Variants in BMS1 observed in about 807,000 individuals in gnomAD.
The protein encoded by BMS1 is BMS1 ribosome biogenesis factor.
In BMS1, 53 loss-of-function variants were observed where a neutral mutation model predicts 138.7. The observed-to-expected ratio is 0.38, with a 90% CI of 0.31 to 0.48. The LOEUF is 0.48. Among genes scored for constraint, BMS1 ranks in the 20% least tolerant of loss-of-function variants. The probability of loss-of-function intolerance (pLI) is 0.97; values close to 1 mark genes in which losing one functional copy is unlikely to be tolerated. For synonymous variants in BMS1, 504 were observed against 539.9 expected (o/e 0.93, Z 0.92); for missense variants, 1,360 against 1,565.5 (o/e 0.87, Z 2.22).
chr10:42,802,872 A>T (rs1376846558), intron 13 of BMS1, among the ~76,000 whole-genome samples: 1 of 152,130 alleles, frequency 6.6e-6, no homozygotes, highest in South Asian at 2.1e-4. Flanking sequence ...GTAGTTTTAT[A>T]CTTTGTTCAT....
In BMS1 at chr10:42,798,538, G is replaced by C. The variant is rs1360235185; in HGVS notation, c.2160G>C (p.Gln720His). ...TTGGAGGGTTGTTTCGTGTCAACCA[G>C]CCTGACAGAGAGTGTAAGCACAAGG... Reference protein sequence around the residue: ...EELGGLFRVNQPDRECKHKAD... With the variant: ...EELGGLFRVNHPDRECKHKAD... Residue 720 changes from glutamine (Q) to histidine (H), a missense_variant, in exon 12 of 23, where the codon CAG becomes CAC. By Grantham distance (24) the Gln-to-His change is conservative. Coordinates refer to ENST00000374518, the MANE Select transcript of BMS1 (RefSeq NM_014753.4). The C allele has an allele frequency of 4.3e-6, 7 of 1,614,132 alleles. 1 individual carries two copies. In the South Asian group the frequency reaches 6.6e-5, roughly 15 times the overall value.
intron 5 of BMS1, 81 bp from the exon 6 acceptor site, chr10:42,791,546 C>T: frequency 7.4e-7 from 1 of 1,359,078 alleles, no homozygotes; most frequent in Non-Finnish European, 9.9e-7. Context: ...AGGATTGCTT[C>T]TTGTTTAGAG....
chr10:42,792,659 T>C (rs1841545051), intron 7 of BMS1, 45 bp downstream of exon 7: 1 of 1,570,028 alleles, frequency 6.4e-7, no homozygotes, highest in East Asian at 2.2e-5. Context: ...CATAGGATTC[T>C]TGGGATGGCT....
chr10:42,814,685 C>A (rs897123111), intron 13 of BMS1, among the ~76,000 whole-genome samples: 1 of 152,144 alleles, frequency 6.6e-6, no homozygotes, highest in African/African-American at 2.4e-5. Context: ...TCAGAGCCTT[C>A]ATGGTGTTAT....
intron 13 of BMS1, among the ~76,000 whole-genome samples, chr10:42,807,648 A>ATTTG (rs546197211): frequency 6.6e-6 from 1 of 151,668 alleles, no homozygotes; most frequent in Non-Finnish European, 1.5e-5. Flanking sequence ...ATATTTTTTT[A>ATTTG]TTTGTTTGTT....
chr10:42,802,613 G>A (rs527883617), intron 13 of BMS1, among the ~76,000 whole-genome samples: 8 of 151,950 alleles, frequency 5.3e-5, no homozygotes, highest in African/African-American at 1.9e-4. Flanking sequence ...AAAAACCTTT[G>A]TTAGCTTCTT....
chr10:42,803,870 A>G (rs1350312340), intron 13 of BMS1, among the ~76,000 whole-genome samples: 1 of 152,192 alleles, frequency 6.6e-6, no homozygotes, highest in East Asian at 1.9e-4. Context: ...TCACCCCCAC[A>G]GTTTTCTTAC....
In BMS1 at chr10:42,814,160, G is replaced by A. The variant is rs11239783; in HGVS notation, c.2330-2439G>A. ...ATATCTTTCACTAAATGTGGGAAGC[G>A]TCAGGAATTAGTTATTTGCATGCTT... On this transcript the variant is annotated intron_variant, in intron 13 of 22. Transcript: ENST00000374518. Among the ~76,000 whole-genome samples the A allele has an allele frequency of 2.5e-4, 38 of 152,044 alleles. 1 individual carries two copies. The East Asian group carries it at 4.0e-3, about 16-fold the overall frequency.
chr10:42,793,899 C>T lies in BMS1; in HGVS notation c.1137C>T (p.Thr379=). The change falls in exon 9 of 23, where the codon ACC becomes ACT. Residue 379 remains threonine (T), a synonymous_variant. Coordinates refer to ENST00000374518, the MANE Select transcript of BMS1 (RefSeq NM_014753.4). ...AGCTGGTCCAGAGTCTCATCTCTAC[C>T]CACTCCACCATTGATGCCAAGATGG... ...THELVQSLIS[T]HSTIDAKMAS... is the part of the protein sequence containing the mutation. 6.2e-7 allele frequency: 1 copy of T among 1,611,810 alleles called. No individual in the cohort carries two copies. Among genetic ancestry groups the T allele is most frequent in the African/African-American group, 1.3e-5 (1 of 74,934 alleles).
rs1310211547 is a variant in BMS1, at chr10:42,833,327, T to G, written c.*2231T>G. ...AGCATTTTTCATGTAGAATTTTTAT[T>G]GGTGAAGGTTCCACCTGGCCAGGTT... On this transcript the variant is annotated 3_prime_UTR_variant, in exon 23 of 23. Transcript: ENST00000374518. 1 of 152,264 alleles carries G rather than the reference T, an allele frequency of 6.6e-6. No individual in the cohort carries two copies. The allele number at this position is 152,264 out of a possible 1,614,324, so 9.4% of individuals were successfully genotyped here.
At chr10:42,823,011 A>C in intron 19 of BMS1, 107 bp from the exon 20 acceptor site, 1 of 1,160,064 alleles carries the variant, frequency 8.6e-7, no homozygotes, top group Non-Finnish European at 1.2e-6. Flanking sequence ...ATCACCCTTC[A>C]GTGAGTTGTT....
intron 4 of BMS1, among the ~76,000 whole-genome samples, chr10:42,787,993 C>T (rs1349069449): frequency 6.6e-6 from 1 of 152,156 alleles, no homozygotes; most frequent in Non-Finnish European, 1.5e-5. Context: ...TGTGGGGTGA[C>T]AGACACCTTG....
intron 13 of BMS1, among the ~76,000 whole-genome samples, chr10:42,804,751 A>G (rs1253188990): frequency 6.7e-6 from 1 of 150,066 alleles, no homozygotes; most frequent in Non-Finnish European, 1.5e-5. Flanking sequence ...TTTGGGATGG[A>G]GTCTTGCTCT....
At chr10:42,822,976 G>T in intron 19 of BMS1, 142 bp from the exon 20 acceptor site, 1 of 838,120 alleles carries the variant, frequency 1.2e-6, no homozygotes, top group South Asian at 3.4e-5. Flanking sequence ...TCCACTTTCA[G>T]GGGCGAATAC....
chr10:42,796,456 ATTT>A lies in BMS1; in HGVS notation c.1230-17_1230-15del, dbSNP rs773495761. 1 of 1,591,504 alleles carries A rather than the reference ATTT, an allele frequency of 6.3e-7. No homozygotes were observed. The highest frequency in any genetic ancestry group is 1.7e-5 in the Admixed American group (1 of 57,642). On this transcript the variant is annotated splice_polypyrimidine_tract_variant and intron_variant, in intron 9 of 22. Coordinates refer to ENST00000374518, the MANE Select transcript of BMS1 (RefSeq NM_014753.4). ...TAATGTACAAATTGAATTATTTTGTATTTCCTTGGTAATACAGGCTAATGATGC... is the reference window on the plus strand; with the variant it reads ...TAATGTACAAATTGAATTATTTTGTACCTTGGTAATACAGGCTAATGATGC...
intron 14 of BMS1, among the ~76,000 whole-genome samples, chr10:42,816,940 C>T (rs575290393): frequency 1.3e-5 from 2 of 152,332 alleles, no homozygotes; most frequent in South Asian, 2.1e-4. Flanking sequence ...CTTGGACTTA[C>T]ATTCAACCAT....
chr10:42,806,474 C>T (rs191882438), intron 13 of BMS1, among the ~76,000 whole-genome samples: 9 of 152,302 alleles, frequency 5.9e-5, no homozygotes, highest in East Asian at 3.9e-4. Context: ...CAGTGGCTGA[C>T]GCCTATAATC....
At position 42,820,996 on chromosome 10, in the gene BMS1, A is replaced by G. The variant is rs372027774; in HGVS notation, c.3009+4A>G. 3 of 1,564,528 alleles carry G rather than the reference A, an allele frequency of 1.9e-6. No individual in the cohort carries two copies. Among genetic ancestry groups the G allele is most frequent in the Non-Finnish European group, 2.6e-6 (3 of 1,147,742 alleles). ...ACAGTCTGTCAGTGGCATAATGGTA[A>G]CTATCTTGGATGATTTCTTTTACAG... On this transcript the variant is annotated splice_donor_region_variant and intron_variant, in intron 18 of 22. Coordinates refer to ENST00000374518, the MANE Select transcript of BMS1 (RefSeq NM_014753.4).
At chr10:42,823,381 A>G in intron 20 of BMS1, 116 bp downstream of exon 20, 1 of 1,370,344 alleles carries the variant, frequency 7.3e-7, no homozygotes, top group South Asian at 1.6e-5. Context: ...CCAGCCTTAG[A>G]TCTCCCAGTC....
Sources: gnomAD v4.1 joint callset for allele counts (sites outside exome capture counted in the v4.1 genomes callset) on GRCh38, gnomAD v4.1.1 for gene constraint, MANE v1.5 for transcripts, NCBI Gene and HGNC (gene_info 2026-07-23, HGNC 2026-07-21) for gene names.